DHX57: variants seen among roughly 807,000 people sequenced by gnomAD.
The protein encoded by DHX57 is putative ATP-dependent RNA helicase DHX57.
A neutral mutation model predicts 156.2 loss-of-function variants in DHX57; 105 were observed. That is an observed-to-expected ratio of 0.67 (90% confidence interval 0.57 to 0.79). The LOEUF is 0.79. Ranked by LOEUF, DHX57 falls within the 30% of genes least tolerant of loss-of-function variation. DHX57 has a pLI of 0.00. For synonymous variants in DHX57, 704 were observed against 595.6 expected (o/e 1.18, Z -2.65); for missense variants, 1,847 against 1,661.9 (o/e 1.11, Z -1.94).
At chr2:38,852,522 A>C (rs17494406) in intron 9 of DHX57, among the ~76,000 whole-genome samples, 2,804 of 151,426 alleles carry the variant, frequency 0.019, 39 homozygotes, top group Middle Eastern at 0.037. Context: ...TTACTGCTCT[A>C]GGGCATGATC....
rs1671066537 is a variant in DHX57, at chr2:38,825,947, C to T, written c.2914G>A (p.Val972Ile). The change falls in exon 16 of 24, where the codon GTC becomes ATC. Residue 972 changes from valine (V) to isoleucine (I), a missense_variant. By Grantham distance (29) the Val-to-Ile change is conservative. Transcript: ENST00000457308. Reference protein sequence around the residue: ...KGRAGRVASGVCFHLFTSHHY... With the variant: ...KGRAGRVASGICFHLFTSHHY... ...TGGCTAGTGAATAAATGGAAGCAGA[C>T]CCCAGATGCAACACGGCCTGCTCGG... 6.2e-7 allele frequency: 1 copy of T among 1,614,084 alleles called. No individual in the cohort carries two copies. Among genetic ancestry groups the T allele is most frequent in the Non-Finnish European group, 8.5e-7 (1 of 1,180,042 alleles).
chr2:38,822,192 C>G (rs1670857430), intron 17 of DHX57, among the ~76,000 whole-genome samples: 1 of 152,016 alleles, frequency 6.6e-6, no homozygotes, highest in African/African-American at 2.4e-5. Context: ...AAGTGATTCT[C>G]CTGCCTCAGC....
At position 38,831,017 on chromosome 2, in the gene DHX57, G is replaced by C. The variant is rs370678217; in HGVS notation, c.2543-2581C>G. On this transcript the variant is annotated intron_variant, in intron 13 of 23. Transcript: ENST00000457308. Reference sequence around the variant, plus strand: ...CAGGAAGTTGGGGCTGCAGTGACCCGTGATCATGCCACTGCACTCTAGCCT... The same window carrying C: ...CAGGAAGTTGGGGCTGCAGTGACCCCTGATCATGCCACTGCACTCTAGCCT... 1.3e-4 allele frequency among the ~76,000 whole-genome samples: 20 copies of C among 151,932 alleles called. 1 individual carries two copies. The highest frequency in any genetic ancestry group is 5.8e-4 in the East Asian group (3 of 5,180).
chr2:38,855,330 G>C, intron 7 of DHX57, 78 bp from the exon 8 acceptor site: 1 of 1,422,252 alleles, frequency 7.0e-7, no homozygotes, highest in South Asian at 1.2e-5. Context: ...TATGGAATGA[G>C]AAAAGTGATA....
chr2:38,815,700 A>C, intron 19 of DHX57, 45 bp from the exon 20 acceptor site: 2 of 1,613,230 alleles, frequency 1.2e-6, no homozygotes, highest in Non-Finnish European at 1.7e-6. Flanking sequence ...TCAGCATAAC[A>C]AAGTGTTAAG....
At chr2:38,846,866 T>C (rs1030234162) in intron 11 of DHX57, among the ~76,000 whole-genome samples, 153 bp downstream of exon 11, 4 of 152,098 alleles carry the variant, frequency 2.6e-5, no homozygotes, top group African/African-American at 9.6e-5. Flanking sequence ...TTTTTTTTTT[T>C]CTCAATAGAT....
At chr2:38,803,185 C>T (rs1669779634) in intron 22 of DHX57, among the ~76,000 whole-genome samples, 1 of 151,996 alleles carries the variant, frequency 6.6e-6, no homozygotes, top group South Asian at 2.1e-4. Context: ...ACCATGTTGC[C>T]CAGGCTGGTC....
intron 21 of DHX57, among the ~76,000 whole-genome samples, 162 bp from the exon 22 acceptor site, chr2:38,806,855 C>G (rs1669965089): frequency 6.9e-6 from 1 of 144,020 alleles, no homozygotes; most frequent in Admixed American, 7.5e-5. Flanking sequence ...GAAAGCAGAA[C>G]AAGCACATGC....
chr2:38,824,949 C>T (rs28500497), intron 16 of DHX57, among the ~76,000 whole-genome samples: 65,338 of 152,016 alleles, frequency 0.43, 16,624 homozygotes, highest in East Asian at 0.58. Flanking sequence ...ACACCCAGCC[C>T]AAAGCTGCAG....
At chr2:38,865,899 G>A (rs1378680880) in intron 2 of DHX57, among the ~76,000 whole-genome samples, 2 of 152,046 alleles carry the variant, frequency 1.3e-5, no homozygotes, top group African/African-American at 2.4e-5. Context: ...TTCAACTCAT[G>A]CCCCTTTATA....
intron 22 of DHX57, 197 bp from the exon 23 acceptor site, chr2:38,803,112 A>C: frequency 5.3e-6 from 3 of 569,246 alleles, no homozygotes; most frequent in East Asian, 3.0e-5. Context: ...TACATATCTC[A>C]CACTTGTGTT....
chr2:38,870,530 C>A (rs1191288009), intron 1 of DHX57, among the ~76,000 whole-genome samples: 1 of 152,202 alleles, frequency 6.6e-6, no homozygotes, highest in South Asian at 2.1e-4. Context: ...TGACTGATTT[C>A]TTCACAGAAA....
At chr2:38,832,079 A>G (rs1671411781) in intron 13 of DHX57, among the ~76,000 whole-genome samples, 1 of 152,132 alleles carries the variant, frequency 6.6e-6, no homozygotes, top group Admixed American at 6.6e-5. Context: ...ATTAGCCAAC[A>G]CTCACTACTT....
intron 3 of DHX57, 98 bp downstream of exon 3, chr2:38,863,263 G>C (rs1260178643): frequency 8.0e-7 from 1 of 1,253,394 alleles, no homozygotes; most frequent in Non-Finnish European, 1.1e-6. Flanking sequence ...GGCCACAATA[G>C]AATCAGTACT....
chr2:38,846,102 G>A (rs1266745336), intron 11 of DHX57, among the ~76,000 whole-genome samples: 1 of 152,076 alleles, frequency 6.6e-6, no homozygotes, highest in Non-Finnish European at 1.5e-5. Flanking sequence ...CCGCCCTCAG[G>A]TGATCTGCTC....
rs377598393 is a variant in DHX57, at chr2:38,801,946, G to T, written c.4017+769C>A. 2.2e-4 allele frequency among the ~76,000 whole-genome samples: 34 copies of T among 152,262 alleles called. No homozygotes were observed. In the East Asian group the frequency reaches 6.0e-3, roughly 27 times the overall value. The stretch of plus-strand genomic sequence containing the variant: ...CTCTCCATGATATGTTTTTCACAGA[G>T]ACTCCATATAGGGAATAATTGAGAC... On this transcript the variant is annotated intron_variant, in intron 23 of 23. Coordinates refer to ENST00000457308, the MANE Select transcript of DHX57 (RefSeq NM_198963.3).
intron 13 of DHX57, among the ~76,000 whole-genome samples, chr2:38,831,393 G>T (rs1456750657): frequency 6.6e-6 from 1 of 151,328 alleles, no homozygotes; most frequent in East Asian, 2.0e-4. Flanking sequence ...GCAATGGAGG[G>T]ATTTTGGCTT....
chr2:38,829,190 G>A (rs6730549), intron 13 of DHX57, among the ~76,000 whole-genome samples: 16,360 of 151,898 alleles, frequency 0.11, 929 homozygotes, highest in African/African-American at 0.13. Flanking sequence ...TGATCCACCC[G>A]CCTCAGCCTA....
chr2:38,815,883 T>A (rs1012524212), intron 19 of DHX57: 4 of 559,598 alleles, frequency 7.1e-6, no homozygotes, highest in African/African-American at 1.9e-5. Context: ...AATGCAAAAA[T>A]TCAATAAATC....
Sources: gnomAD v4.1 joint callset for allele counts (sites outside exome capture counted in the v4.1 genomes callset) on GRCh38, gnomAD v4.1.1 for gene constraint, MANE v1.5 for transcripts, NCBI Gene and HGNC (gene_info 2026-07-23, HGNC 2026-07-21) for gene names.